GALNS: variants seen among roughly 807,000 people sequenced by gnomAD.
The protein encoded by GALNS is N-acetylgalactosamine-6-sulfatase.
GALNS carries 65 observed loss-of-function variants against 65.9 expected under a neutral mutation model. The ratio of observed to expected loss-of-function variants is 0.99; its 90% CI spans 0.81 to 1.21. The LOEUF is 1.21. Among genes scored for constraint, GALNS ranks in the 50% most tolerant of loss-of-function variants. The pLI is 0.00. For synonymous variants in GALNS, 346 were observed against 288.9 expected, an observed-to-expected ratio of 1.20 and a Z score of -2.00; for missense variants, 776 against 700.7, an observed-to-expected ratio of 1.11 and a Z score of -1.21.
In GALNS at chr16:88,842,753, C is replaced by G; in HGVS notation, c.197G>C (p.Gly66Ala). The part of the protein sequence containing the change: ...TPNLDRMAAE[G>A]LLFPNFYSAN... ...AGAATAGAAGTTTGGGAAAAGCAGC[C>G]CTTCTGCAGCCATCCGGTCCAAATT... The change falls in exon 2 of 14, where the codon GGG (glycine) becomes GCG (alanine). Residue 66 changes from glycine (G) to alanine (A), a missense_variant. Gly to Ala is a moderately conservative substitution (Grantham distance 60, BLOSUM62 0). Transcript: ENST00000268695. 2 of 1,612,998 alleles carry G rather than the reference C, an allele frequency of 1.2e-6. No individual in the cohort carries two copies. The highest frequency in any genetic ancestry group is 1.7e-6 in the Non-Finnish European group (2 of 1,179,770).
In GALNS at chr16:88,855,112, G is replaced by A. The variant is rs536896252; in HGVS notation, c.120+1646C>T. 4.0e-4 allele frequency: 196 copies of A among 493,408 alleles called. No individual in the cohort carries two copies. The East Asian group carries it at 7.7e-3, about 19-fold the overall frequency. 30.6% of individuals were successfully genotyped at this position (493,408 alleles called of 1,614,324 possible). ...ATTTACCGGGAGCCACATTAGAAAA[G>A]CAGAAGTAGGTGAAATACAGACTAA... On this transcript the variant is annotated intron_variant, in intron 1 of 13. Coordinates refer to ENST00000268695, the MANE Select transcript of GALNS (RefSeq NM_000512.5).
chr16:88,841,327 C>T (rs1966962015), intron 3 of GALNS, among the ~76,000 whole-genome samples: 3 of 152,166 alleles, frequency 2.0e-5, no homozygotes, highest in Admixed American at 6.5e-5. Flanking sequence ...GGGCAGACTC[C>T]GTGCCCCCCA....
rs1014636026 is a variant in GALNS, at chr16:88,856,939, C to A, written c.-62G>T. The A allele has an allele frequency of 1.6e-5, 24 of 1,463,138 alleles. No individual in the cohort carries two copies. In the African/African-American group the frequency reaches 3.4e-4, roughly 21 times the overall value. 90.6% of individuals were successfully genotyped at this position (1,463,138 alleles called of 1,614,324 possible). On this transcript the variant is annotated 5_prime_UTR_variant, in exon 1 of 14. In the 5' UTR this introduces an upstream ATG that the reference lacks. Transcript: ENST00000268695. Reference sequence around the variant, plus strand: ...CCGACCTAGCGAGCGTCCGCCGGCCCTTCCGGCTGGGCTGCGGGGCGGGGC... The same window carrying A: ...CCGACCTAGCGAGCGTCCGCCGGCCATTCCGGCTGGGCTGCGGGGCGGGGC...
At chr16:88,845,898 G>A (rs1967223023) in intron 1 of GALNS, among the ~76,000 whole-genome samples, 2 of 151,914 alleles carry the variant, frequency 1.3e-5, no homozygotes, top group South Asian at 4.2e-4. Context: ...TGAGGTAGGA[G>A]GATCACTTGA....
chr16:88,856,450 C>G (rs1479223538), intron 1 of GALNS: 3 of 700,624 alleles, frequency 4.3e-6, no homozygotes, highest in Non-Finnish European at 7.8e-6. Flanking sequence ...CGGCCACCCA[C>G]CTGCCAGGGA....
intron 2 of GALNS, chr16:88,842,469 C>G: frequency 1.7e-6 from 1 of 591,958 alleles, no homozygotes; most frequent in South Asian, 2.0e-5. Context: ...AACAGAACAG[C>G]AGCCACCAAC....
At chr16:88,837,511 G>A in intron 5 of GALNS, 111 bp downstream of exon 5, 1 of 1,151,544 alleles carries the variant, frequency 8.7e-7, no homozygotes. Flanking sequence ...CCCAGGGACA[G>A]ACCAGCCCTC....
At chr16:88,849,015 G>A (rs1400251630) in intron 1 of GALNS, among the ~76,000 whole-genome samples, 1 of 152,244 alleles carries the variant, frequency 6.6e-6, no homozygotes, top group Non-Finnish European at 1.5e-5. Context: ...AACGTGTGGA[G>A]TCCCAGAGCT....
Position 88,835,811 on chromosome 16 carries a change from G to GT in GALNS, c.671dup (p.His224GlnfsTer39). ...CGACAGCCCAGTAGAGGAAAAAGGG[G>GT]TGGTGCCGTGCCTGTCTCTTAATGA... On this transcript the variant is annotated frameshift_variant, in exon 7 of 14. Coordinates refer to ENST00000268695, the MANE Select transcript of GALNS (RefSeq NM_000512.5). LOFTEE classifies it high-confidence loss of function. 1 of 1,614,178 alleles carries GT rather than the reference G, an allele frequency of 6.2e-7. No individual in the cohort carries two copies. Among genetic ancestry groups the GT allele is most frequent in the South Asian group, 1.1e-5 (1 of 91,090 alleles).
intron 1 of GALNS, chr16:88,855,250 G>C: frequency 1.4e-6 from 1 of 699,598 alleles, no homozygotes; most frequent in Non-Finnish European, 2.6e-6. Context: ...GAGAAAGTCA[G>C]GAAAAGCAGA....
rs1555521205 is a variant in GALNS at position 88,833,454 on chromosome 16, C to CCTTTTT, written c.899-1354_899-1353insAAAAAG. ...TTTCTTTCCTTCTCTCTCCCATCCC[C>CCTTTTT]TTTTTTTTTTTTTTTGACATGGAGT... is the stretch of plus-strand genomic sequence containing the variant. On this transcript the variant is annotated intron_variant, in intron 8 of 13. Coordinates refer to ENST00000268695, the MANE Select transcript of GALNS (RefSeq NM_000512.5). 2.8e-5 allele frequency among the ~76,000 whole-genome samples: 4 copies of CCTTTTT among 141,170 alleles called. 1 individual carries two copies. The highest frequency in any genetic ancestry group is 4.6e-5 in the Non-Finnish European group (3 of 64,960). The allele number at this position is 141,170 out of a possible 152,430, so 92.6% of individuals were successfully genotyped here.
intron 8 of GALNS, among the ~76,000 whole-genome samples, chr16:88,834,306 A>T (rs1227215516): frequency 6.8e-6 from 1 of 146,174 alleles, no homozygotes; most frequent in Non-Finnish European, 1.5e-5. Context: ...ATGGTCTGGG[A>T]CGAGGCTGTA....
At chr16:88,818,677 C>A (rs974288787) in intron 12 of GALNS, among the ~76,000 whole-genome samples, 1 of 152,232 alleles carries the variant, frequency 6.6e-6, no homozygotes, top group Admixed American at 6.5e-5. Flanking sequence ...GATGTCAGGG[C>A]CGCAGTTTGC....
intron 12 of GALNS, among the ~76,000 whole-genome samples, chr16:88,821,071 C>A (rs76591973): frequency 0.042 from 6,329 of 152,260 alleles, 166 homozygotes; most frequent in South Asian, 0.082. Context: ...TGGGTGATCA[C>A]GAGTCCCCCG....
At chr16:88,819,476 T>A (rs1313110528) in intron 12 of GALNS, among the ~76,000 whole-genome samples, 1 of 152,224 alleles carries the variant, frequency 6.6e-6, no homozygotes, top group Non-Finnish European at 1.5e-5. Flanking sequence ...GAACTGCACG[T>A]GCACTTTCTG....
chr16:88,852,478 C>T (rs1249342841), intron 1 of GALNS, among the ~76,000 whole-genome samples: 1 of 152,238 alleles, frequency 6.6e-6, no homozygotes, highest in African/African-American at 2.4e-5. Context: ...ACCTCTTCTC[C>T]TCCAAAGGAT....
intron 11 of GALNS, among the ~76,000 whole-genome samples, chr16:88,822,946 T>A (rs1310712214): frequency 2.0e-5 from 3 of 152,138 alleles, no homozygotes; most frequent in Non-Finnish European, 2.9e-5. Flanking sequence ...AGCGGGCCCA[T>A]AAGCATCCTG....
At chr16:88,833,276 C>G (rs1220480465) in intron 8 of GALNS, among the ~76,000 whole-genome samples, 1 of 152,068 alleles carries the variant, frequency 6.6e-6, no homozygotes, top group Non-Finnish European at 1.5e-5. Context: ...CACCCGCAAC[C>G]CGGCCTGTCT....
rs1050217191 is a variant in GALNS at position 88,817,210 on chromosome 16, TGA to T, written c.1482+795_1482+796del. ...AAGCAGGGGACAGAAAAGCTGCTCC[TGA>T]GAGGCCCTGACTGCTGCGGCCCCCA... is the stretch of plus-strand genomic sequence containing the variant. On this transcript the variant is annotated intron_variant, in intron 13 of 13. Coordinates refer to ENST00000268695, the MANE Select transcript of GALNS (RefSeq NM_000512.5). The T allele has an allele frequency of 8.1e-6, 8 of 984,644 alleles. No individual in the cohort carries two copies. In the African/African-American group the frequency reaches 1.1e-4, roughly 13 times the overall value. 61.0% of individuals were successfully genotyped at this position (984,644 alleles called of 1,614,324 possible).
Sources: allele counts gnomAD v4.1 joint callset (sites outside exome capture counted in the v4.1 genomes callset), GRCh38; gene constraint gnomAD v4.1.1; transcripts MANE v1.5; gene names NCBI Gene and HGNC (gene_info 2026-07-23, HGNC 2026-07-21).